The following PLEKHG7 variants were observed in gnomAD, a reference collection of about 807,000 sequenced individuals.
PLEKHG7 encodes the protein pleckstrin homology and RhoGEF domain containing G7.
PLEKHG7 carries 77 observed loss-of-function variants against 85.2 expected under a neutral mutation model. The ratio of observed to expected loss-of-function variants is 0.90; its 90% CI spans 0.75 to 1.09. The LOEUF (loss-of-function observed/expected upper bound fraction) is 1.09. Among genes scored for constraint, PLEKHG7 ranks in the 50% least tolerant of loss-of-function variants. PLEKHG7 has a pLI of 0.00. For missense variants in PLEKHG7, 777 were observed against 804.3 expected, an observed-to-expected ratio of 0.97 and a Z score of 0.41; for synonymous variants, 301 against 302.4, an observed-to-expected ratio of 1.00 and a Z score of 0.05.
intron 2 of PLEKHG7, 144 bp from the exon 3 acceptor site, chr12:92,707,506 A>G (rs889533486): frequency 3.4e-6 from 5 of 1,468,710 alleles, no homozygotes; most frequent in Non-Finnish European, 4.5e-6. Flanking sequence ...AGAAAGAGCC[A>G]GTTATTCAAA....
In PLEKHG7 at chr12:92,755,956, C is replaced by T. The variant is rs183387965; in HGVS notation, c.1542+16C>T. On this transcript the variant is annotated intron_variant, in intron 12 of 16. Transcript: ENST00000344636. ...CATTCCAGAGGTACAAAAAAAAAAT[C>T]AATTAGGACTTATGTCCATTTCTGG... The T allele has an allele frequency of 9.7e-5, 147 of 1,512,178 alleles. No homozygotes were observed. In the African/African-American group the frequency reaches 1.7e-3, roughly 18 times the overall value. 93.7% of individuals were successfully genotyped at this position (1,512,178 alleles called of 1,614,324 possible).
chr12:92,712,943 C>A (rs965298995), intron 3 of PLEKHG7, among the ~76,000 whole-genome samples: 2 of 152,158 alleles, frequency 1.3e-5, no homozygotes, highest in African/African-American at 4.8e-5. Context: ...TGGAATCAAC[C>A]TCAGCTCAAA....
chr12:92,739,478 T>A (rs116636805), intron 7 of PLEKHG7, among the ~76,000 whole-genome samples: 1,533 of 152,344 alleles, frequency 0.01, 31 homozygotes, highest in African/African-American at 0.035. Flanking sequence ...CCCTGAGTTA[T>A]GCCACCTTCC....
chr12:92,747,800 G>A (rs1338423729), intron 10 of PLEKHG7, among the ~76,000 whole-genome samples: 1 of 152,190 alleles, frequency 6.6e-6, no homozygotes, highest in East Asian at 1.9e-4. Context: ...AGCACAGAAA[G>A]ACAGATATTG....
intron 4 of PLEKHG7, among the ~76,000 whole-genome samples, chr12:92,730,076 T>C (rs557857798): frequency 2.6e-5 from 4 of 152,292 alleles, no homozygotes; most frequent in Non-Finnish European, 5.9e-5. Flanking sequence ...TTATCATCTG[T>C]CATCTATTGT....
intron 7 of PLEKHG7, among the ~76,000 whole-genome samples, chr12:92,740,230 T>C (rs1025444888): frequency 6.6e-6 from 1 of 152,244 alleles, no homozygotes; most frequent in Admixed American, 6.5e-5. Flanking sequence ...TCTCTTCAGT[T>C]TATAGAATGA....
At chr12:92,752,553 C>T (rs1592685654) in intron 10 of PLEKHG7, among the ~76,000 whole-genome samples, 1 of 152,136 alleles carries the variant, frequency 6.6e-6, no homozygotes, top group East Asian at 1.9e-4. Context: ...GACACGTGGG[C>T]TTGAAGACAT....
In PLEKHG7 at chr12:92,732,246, A is replaced by T; in HGVS notation, c.672A>T (p.Pro224=). The T allele has an allele frequency of 8.1e-7, 1 of 1,231,564 alleles. No homozygotes were observed. The highest frequency in any genetic ancestry group is 1.0e-6 in the Non-Finnish European group (1 of 987,458). 76.3% of individuals were successfully genotyped at this position (1,231,564 alleles called of 1,614,324 possible). A position where few individuals can be genotyped will look rare whatever the true frequency, so the allele number is the denominator to read the frequency against. Residue 224 remains proline (P), a synonymous_variant, in exon 5 of 17, where the codon CCA becomes CCT. Coordinates refer to ENST00000344636, the MANE Select transcript of PLEKHG7 (RefSeq NM_001377329.1). ...AATTTCACCCAGAATCCAAAAAGCCAAGATGGCCTTTCTCCAAAAGAGGAG... is the reference window on the plus strand; with the variant it reads ...AATTTCACCCAGAATCCAAAAAGCCTAGATGGCCTTTCTCCAAAAGAGGAG... ...LLLLNSESKK[P]RWPFSKRGVG... is the part of the protein sequence containing the mutation.
intron 13 of PLEKHG7, among the ~76,000 whole-genome samples, chr12:92,758,333 A>T (rs1008832464): frequency 1.3e-5 from 2 of 152,268 alleles, no homozygotes; most frequent in African/African-American, 4.8e-5. Context: ...GGAGGATTTT[A>T]TGATCGACAA....
In PLEKHG7 at chr12:92,740,868, C is replaced by T. The variant is rs780098849; in HGVS notation, c.955C>T (p.Leu319=). 6.2e-7 allele frequency: 1 copy of T among 1,603,790 alleles called. No individual in the cohort carries two copies. The highest frequency in any genetic ancestry group is 2.2e-5 in the East Asian group (1 of 44,642). Residue 319 remains leucine, a synonymous_variant, in exon 8 of 17, where the codon CTA becomes TTA. Transcript: ENST00000344636. ...TATTTCAAAGATCTTTATGAATACA[C>T]TAAGATATCTGCAAACTCATGAATA... ...LVLKMIFMNT[L]RYLQTHEYLL... is the part of the protein sequence containing the mutation.
chr12:92,747,739 A>C (rs970438112), intron 10 of PLEKHG7, among the ~76,000 whole-genome samples: 2 of 152,224 alleles, frequency 1.3e-5, no homozygotes, highest in African/African-American at 4.8e-5. Flanking sequence ...AAAAAGAATG[A>C]AATCTTGTCA....
At chr12:92,753,451 T>C (rs1013270493) in intron 10 of PLEKHG7, among the ~76,000 whole-genome samples, 5 of 152,162 alleles carry the variant, frequency 3.3e-5, no homozygotes, top group Non-Finnish European at 2.9e-5. Flanking sequence ...CTTACTACAA[T>C]TACTAAATTA....
chr12:92,726,687 T>G (rs1387065857), intron 3 of PLEKHG7, among the ~76,000 whole-genome samples: 1 of 152,162 alleles, frequency 6.6e-6, no homozygotes, highest in East Asian at 1.9e-4. Flanking sequence ...TGTTCCCTAC[T>G]GTGTCTGTGA....
intron 3 of PLEKHG7, chr12:92,721,476 G>A (rs1056928546): frequency 8.1e-7 from 1 of 1,231,406 alleles, no homozygotes; most frequent in African/African-American, 1.6e-5. Context: ...CAGCAGCCAT[G>A]GGACTAGTCC....
At position 92,727,651 on chromosome 12, in the gene PLEKHG7, G is replaced by A. The variant is rs369656324; in HGVS notation, c.531-1342G>A. Among the ~76,000 whole-genome samples, 18 of 151,870 alleles carry A rather than the reference G, an allele frequency of 1.2e-4. No homozygotes were observed. The South Asian group carries it at 2.9e-3, about 25-fold the overall frequency. On this transcript the variant is annotated intron_variant, in intron 3 of 16. Transcript: ENST00000344636. ...GTTGCCCAGGCTGGAGTGCAATGGC[G>A]TGATCTTGGCTCACTGCAACCTCCA...
chr12:92,708,847 G>A (rs552488591), intron 3 of PLEKHG7, among the ~76,000 whole-genome samples: 1 of 152,320 alleles, frequency 6.6e-6, no homozygotes, highest in East Asian at 1.9e-4. Flanking sequence ...GTTACCAACA[G>A]TGGGAGAGCA....
At chr12:92,766,349 C>T (rs927355208) in intron 15 of PLEKHG7, among the ~76,000 whole-genome samples, 2 of 152,134 alleles carry the variant, frequency 1.3e-5, no homozygotes. Flanking sequence ...TGGCCTGACA[C>T]ATAGACTTGA....
chr12:92,710,465 G>C (rs1489492757), intron 3 of PLEKHG7, among the ~76,000 whole-genome samples: 1 of 152,164 alleles, frequency 6.6e-6, no homozygotes, highest in African/African-American at 2.4e-5. Flanking sequence ...ATACCATGAT[G>C]GTGGATAAGG....
At chr12:92,732,349 C>G (rs1443133696) in intron 5 of PLEKHG7, 76 bp downstream of exon 5, 1 of 845,192 alleles carries the variant, frequency 1.2e-6, no homozygotes, top group Non-Finnish European at 1.6e-6. Context: ...GCTGAAGAGT[C>G]TCTTCATTCT....
Sources: gnomAD v4.1 joint callset for allele counts (sites outside exome capture counted in the v4.1 genomes callset) on GRCh38, gnomAD v4.1.1 for gene constraint, MANE v1.5 for transcripts, NCBI Gene and HGNC (gene_info 2026-07-23, HGNC 2026-07-21) for gene names.